ZFPM2: variants seen among roughly 807,000 people sequenced by gnomAD.
ZFPM2 encodes the protein zinc finger protein ZFPM2.
A neutral mutation model predicts 98.6 loss-of-function variants in ZFPM2; 20 were observed. The observed-to-expected ratio is 0.20, with a 90% confidence interval of 0.14 to 0.29. The LOEUF is 0.29. Ranked by LOEUF, ZFPM2 falls within the 10% of genes least tolerant of loss-of-function variation. The probability of loss-of-function intolerance (pLI) is 1.00; values close to 1 mark genes in which losing one functional copy is unlikely to be tolerated. For synonymous variants in ZFPM2, 518 were observed against 502.7 expected (o/e 1.03, Z -0.41); for missense variants, 1,310 against 1,388.6 (o/e 0.94, Z 0.90).
intron 5 of ZFPM2, among the ~76,000 whole-genome samples, chr8:105,639,786 T>C (rs963024428): frequency 6.6e-6 from 1 of 152,020 alleles, no homozygotes; most frequent in Non-Finnish European, 1.5e-5. Flanking sequence ...TGATATCGTA[T>C]TTATAGCGAA....
chr8:105,676,737 T>C (rs1443507181), intron 5 of ZFPM2, among the ~76,000 whole-genome samples: 2 of 151,874 alleles, frequency 1.3e-5, no homozygotes, highest in Non-Finnish European at 2.9e-5. Flanking sequence ...ATTTAATAAA[T>C]TAAAAATAAA....
At chr8:105,526,520 T>C (rs1480459283) in intron 3 of ZFPM2, among the ~76,000 whole-genome samples, 1 of 152,168 alleles carries the variant, frequency 6.6e-6, no homozygotes, top group East Asian at 1.9e-4. Context: ...ATACAGAAAC[T>C]ACCTGACTAG....
chr8:105,436,296 G>A (rs1325831228), intron 2 of ZFPM2, among the ~76,000 whole-genome samples: 1 of 152,042 alleles, frequency 6.6e-6, no homozygotes, highest in African/African-American at 2.4e-5. Flanking sequence ...GAAGCAGGCT[G>A]GTCACCTGAG....
At position 105,456,973 on chromosome 8, in the gene ZFPM2, C is replaced by T. The variant is rs1337717754; in HGVS notation, c.301+12592C>T. On this transcript the variant is annotated intron_variant, in intron 3 of 7. Coordinates refer to ENST00000407775, the MANE Select transcript of ZFPM2 (RefSeq NM_012082.4). ...TGGCCGTGTTATTTCTTTTAAATTT[C>T]ATCATTTCAACCTTTGTCTCTCAAT... 2.6e-5 allele frequency among the ~76,000 whole-genome samples: 4 copies of T among 152,282 alleles called. No homozygotes were observed. In the East Asian group the frequency reaches 7.7e-4, roughly 29 times the overall value.
chr8:105,475,646 A>G (rs1242052198), intron 3 of ZFPM2, among the ~76,000 whole-genome samples: 2 of 152,262 alleles, frequency 1.3e-5, no homozygotes, highest in African/African-American at 4.8e-5. Flanking sequence ...AATGTGAATT[A>G]GAAAAGCGTT....
rs1185591493 is a variant in ZFPM2 at position 105,608,585 on chromosome 8, T to G, written c.421-25661T>G. The stretch of plus-strand genomic sequence containing the variant: ...AAGGCTAGAGAACACCAAGAGTTTT[T>G]TTTTTTTTTTTTTTTTTTAATCAGT... On this transcript the variant is annotated intron_variant, in intron 4 of 7. Coordinates refer to ENST00000407775, the MANE Select transcript of ZFPM2 (RefSeq NM_012082.4). Among the ~76,000 whole-genome samples the G allele has an allele frequency of 8.6e-5, 13 of 150,326 alleles. No homozygotes were observed. The East Asian group carries it at 2.5e-3, about 29-fold the overall frequency.
intron 3 of ZFPM2, among the ~76,000 whole-genome samples, chr8:105,542,140 A>G (rs1186196150): frequency 3.9e-5 from 6 of 152,108 alleles, no homozygotes; most frequent in African/African-American, 9.7e-5. Context: ...TTATTTTGCT[A>G]GCTTTGTAAT....
chr8:105,587,278 G>GAAAAA (rs1217188691), intron 4 of ZFPM2, among the ~76,000 whole-genome samples: 3 of 51,994 alleles, frequency 5.8e-5, no homozygotes, highest in South Asian at 6.9e-4. Context: ...CTCTGTCTCA[G>GAAAAA]AAAAAAAAAA....
chr8:105,608,194 G>GGA (rs1816233985), intron 4 of ZFPM2, among the ~76,000 whole-genome samples: 1 of 152,092 alleles, frequency 6.6e-6, no homozygotes, highest in Non-Finnish European at 1.5e-5. Context: ...GAGGGTGGAA[G>GGA]GAGAGAGAGA....
intron 5 of ZFPM2, among the ~76,000 whole-genome samples, chr8:105,705,807 A>T (rs1811245268): frequency 2.0e-5 from 3 of 152,162 alleles, no homozygotes; most frequent in Admixed American, 2.0e-4. Context: ...GTCAAAACTC[A>T]GTTCTTTCTC....
intron 2 of ZFPM2, among the ~76,000 whole-genome samples, chr8:105,436,263 T>G (rs1812116988): frequency 6.6e-6 from 1 of 152,112 alleles, no homozygotes; most frequent in Admixed American, 6.5e-5. Flanking sequence ...CTCACACCTG[T>G]AATCCCAGCA....
At chr8:105,738,212 C>A (rs2131027795) in intron 5 of ZFPM2, among the ~76,000 whole-genome samples, 1 of 152,130 alleles carries the variant, frequency 6.6e-6, no homozygotes, top group Non-Finnish European at 1.5e-5. Context: ...TGTTGTTCCC[C>A]ACTATGCATC....
intron 5 of ZFPM2, among the ~76,000 whole-genome samples, chr8:105,688,286 T>G (rs2130932629): frequency 6.6e-6 from 1 of 152,124 alleles, no homozygotes; most frequent in East Asian, 1.9e-4. Context: ...TACTAACAAA[T>G]TTACAAGCTG....
At chr8:105,483,387 C>T (rs957172836) in intron 3 of ZFPM2, among the ~76,000 whole-genome samples, 8 of 151,638 alleles carry the variant, frequency 5.3e-5, no homozygotes, top group African/African-American at 1.7e-4. Flanking sequence ...GTCAGGAGTT[C>T]GAGACCAGCT....
chr8:105,651,405 T>C (rs898959026), intron 5 of ZFPM2, among the ~76,000 whole-genome samples: 1 of 151,358 alleles, frequency 6.6e-6, no homozygotes, highest in African/African-American at 2.4e-5. Flanking sequence ...AAGTTGGAGG[T>C]TGCAGTGAGC....
At chr8:105,331,648 A>G (rs765907231) in intron 1 of ZFPM2, among the ~76,000 whole-genome samples, 1 of 151,764 alleles carries the variant, frequency 6.6e-6, no homozygotes, top group African/African-American at 2.4e-5. Context: ...TAGGCTTTGA[A>G]GAGTTTGTGA....
chr8:105,750,954 A>G (rs1812461741), intron 5 of ZFPM2, among the ~76,000 whole-genome samples: 1 of 152,126 alleles, frequency 6.6e-6, no homozygotes, highest in South Asian at 2.1e-4. Context: ...GGGAGACTGT[A>G]TTCTCATCAA....
At chr8:105,417,095 G>T (rs1811693417) in intron 1 of ZFPM2, among the ~76,000 whole-genome samples, 1 of 152,112 alleles carries the variant, frequency 6.6e-6, no homozygotes, top group Admixed American at 6.6e-5. Context: ...ACTGCAGCAA[G>T]CTGTGATTGC....
chr8:105,638,834 G>T (rs896140844), intron 5 of ZFPM2, among the ~76,000 whole-genome samples: 9 of 152,018 alleles, frequency 5.9e-5, no homozygotes, highest in Admixed American at 4.6e-4. Flanking sequence ...ATCACTTAGT[G>T]CTTTTTGACA....
Sources: gnomAD v4.1 joint callset for allele counts (sites outside exome capture counted in the v4.1 genomes callset) on GRCh38, gnomAD v4.1.1 for gene constraint, MANE v1.5 for transcripts, NCBI Gene and HGNC (gene_info 2026-07-23, HGNC 2026-07-21) for gene names.